The following ADI1 variants were observed in gnomAD, a reference collection of about 807,000 sequenced individuals.
ADI1 encodes acireductone dioxygenase.
In ADI1, 21 loss-of-function variants were observed where a neutral mutation model predicts 18.7. The ratio of observed to expected loss-of-function variants is 1.13; its 90% CI spans 0.80 to 1.62. The LOEUF is 1.62. ADI1 is among the 40% of genes most tolerant of loss of function. The pLI is 0.00. For missense variants in ADI1, 245 were observed against 254.9 expected, an observed-to-expected ratio of 0.96 and a Z score of 0.26; for synonymous variants, 90 against 100.1, an observed-to-expected ratio of 0.90 and a Z score of 0.60.
In ADI1 at chr2:3,519,458, G is replaced by T; in HGVS notation, c.30C>A (p.Ala10=). The stretch of plus-strand genomic sequence containing the variant: ...GGTGGGGTTGCCGCGGGTCGCCCGG[G>T]GCGTCGTCCATATACCAGGCCTGCA... MVQAWYMDD[A]PGDPRQPHRP... Residue 10 remains alanine, a synonymous_variant, in exon 1 of 4, where the codon GCC becomes GCA. Transcript: ENST00000327435. 2.2e-6 allele frequency: 3 copies of T among 1,355,376 alleles called. No individual in the cohort carries two copies. Among genetic ancestry groups the T allele is most frequent in the Non-Finnish European group, 2.8e-6 (3 of 1,058,452 alleles). 84.0% of individuals were successfully genotyped at this position (1,355,376 alleles called of 1,614,324 possible).
chr2:3,499,193 C>T, intron 3 of ADI1, 111 bp from the exon 4 acceptor site: 2 of 1,421,190 alleles, frequency 1.4e-6, no homozygotes, highest in Non-Finnish European at 1.9e-6. Flanking sequence ...ACTTTACTTG[C>T]TATTTTTATT....
intron 3 of ADI1, 116 bp downstream of exon 3, chr2:3,500,698 C>G (rs763790966): frequency 5.1e-6 from 7 of 1,377,196 alleles, no homozygotes; most frequent in Non-Finnish European, 7.1e-6. Flanking sequence ...GTCGAGGAGT[C>G]CCGAGCCCAG....
At chr2:3,500,623 C>T in intron 3 of ADI1, 191 bp downstream of exon 3, 1 of 738,780 alleles carries the variant, frequency 1.4e-6, no homozygotes, top group Non-Finnish European at 2.2e-6. Context: ...ACGGAGGCTG[C>T]CACGGAAGGA....
Position 3,513,960 on chromosome 2 carries a change from T to G in ADI1, c.137A>C (p.Tyr46Ser). The change falls in exon 2 of 4, where the codon TAT becomes TCT. Residue 46 changes from tyrosine (Y) to serine (S), a missense_variant. Coordinates refer to ENST00000327435, the MANE Select transcript of ADI1 (RefSeq NM_018269.4). ...VLYWKLDADK[Y>S]ENDPELEKIR... is the part of the protein sequence containing the mutation. Reference sequence around the variant, plus strand: ...CTTTTCTAATTCTGGATCATTCTCATATTTGTCAGCATCCAGCTAAAAGAG... The same window carrying G: ...CTTTTCTAATTCTGGATCATTCTCAGATTTGTCAGCATCCAGCTAAAAGAG... 1 of 1,608,114 alleles carries G rather than the reference T, an allele frequency of 6.2e-7. No homozygotes were observed. Among genetic ancestry groups the G allele is most frequent in the East Asian group, 2.2e-5 (1 of 44,716 alleles).
At chr2:3,499,871 C>T (rs1666953243) in intron 3 of ADI1, among the ~76,000 whole-genome samples, 1 of 152,052 alleles carries the variant, frequency 6.6e-6, no homozygotes, top group Admixed American at 6.6e-5. Flanking sequence ...TTGAGACCAG[C>T]CTGGCCAACA....
intron 1 of ADI1, chr2:3,517,087 G>A (rs920053631): frequency 4.4e-6 from 1 of 227,494 alleles, no homozygotes; most frequent in Non-Finnish European, 7.3e-6. Context: ...AAACCAAAAT[G>A]CAGCCACTCA....
intron 2 of ADI1, among the ~76,000 whole-genome samples, chr2:3,505,944 A>T (rs970589428): frequency 4.6e-5 from 7 of 152,236 alleles, no homozygotes; most frequent in Non-Finnish European, 8.8e-5. Flanking sequence ...AGCTCTCACA[A>T]GACACCAAAG....
chr2:3,516,359 G>C (rs1266865394), intron 1 of ADI1: 1 of 152,224 alleles, frequency 6.6e-6, no homozygotes, highest in African/African-American at 2.4e-5. Flanking sequence ...GTCCACGCCT[G>C]TGATCCCAGC....
intron 2 of ADI1, among the ~76,000 whole-genome samples, chr2:3,503,610 C>T (rs576395994): frequency 6.6e-6 from 1 of 152,288 alleles, no homozygotes; most frequent in East Asian, 1.9e-4. Context: ...CTGAGCACAG[C>T]GACTCTGCAG....
Position 3,500,939 on chromosome 2 carries a change from G to C in ADI1, c.295C>G (p.Leu99Val), listed in dbSNP as rs1164568907. 11 of 1,613,956 alleles carry C rather than the reference G, an allele frequency of 6.8e-6. No individual in the cohort carries two copies. The highest frequency in any genetic ancestry group is 8.5e-6 in the Non-Finnish European group (10 of 1,179,908). ...LHLDDEIRYILDGSGYFDVRD... is the reference protein window; with the variant it reads ...LHLDDEIRYIVDGSGYFDVRD... ...ACATCGAAGTACCCACTGCCATCCAGGATGTAGCGGATCTCATCGTCCAAG... is the reference window on the plus strand; with the variant it reads ...ACATCGAAGTACCCACTGCCATCCACGATGTAGCGGATCTCATCGTCCAAG... The change falls in exon 3 of 4, where the codon CTG becomes GTG. Residue 99 changes from leucine (L) to valine (V), a missense_variant. Leu to Val is a conservative substitution (Grantham distance 32). Coordinates refer to ENST00000327435, the MANE Select transcript of ADI1 (RefSeq NM_018269.4).
rs1666920282 is a variant in ADI1, at chr2:3,498,732, T to C, written c.*231A>G. ...GAATGCATGAACTAACACAGGGCCATGGACCCACCAGTCTTGATTGAGTTA... is the reference window on the plus strand; with the variant it reads ...GAATGCATGAACTAACACAGGGCCACGGACCCACCAGTCTTGATTGAGTTA... On this transcript the variant is annotated 3_prime_UTR_variant, in exon 4 of 4. Transcript: ENST00000327435. 1.7e-6 allele frequency: 1 copy of C among 576,526 alleles called. No homozygotes were observed. The highest frequency in any genetic ancestry group is 3.2e-5 in the South Asian group (1 of 31,024). 35.7% of individuals were successfully genotyped at this position (576,526 alleles called of 1,614,324 possible).
chr2:3,503,948 G>T (rs181770569), intron 2 of ADI1, among the ~76,000 whole-genome samples: 4 of 152,156 alleles, frequency 2.6e-5, no homozygotes, highest in Non-Finnish European at 5.9e-5. Context: ...ACCAACCCCC[G>T]GGTGAGCGCC....
chr2:3,514,848 G>A lies in ADI1; in HGVS notation c.121-872C>T, dbSNP rs534346788. On this transcript the variant is annotated intron_variant, in intron 1 of 3. Transcript: ENST00000327435. ...AGTGTTGCAGGAAGTCAGGGACCCC[G>A]AATGGAGGGACCGGCTGGAGCCATG... The A allele has an allele frequency of 1.5e-3, 2,338 of 1,548,596 alleles. 2 individuals are homozygous for A. Among genetic ancestry groups the A allele is most frequent in the Non-Finnish European group, 1.4e-3 (1,651 of 1,146,478 alleles).
Position 3,517,997 on chromosome 2 carries a change from A to G in ADI1, c.120+1371T>C, listed in dbSNP as rs564179075. Among the ~76,000 whole-genome samples, 141 of 152,330 alleles carry G rather than the reference A, an allele frequency of 9.3e-4. 1 individual carries two copies. The highest frequency in any genetic ancestry group is 3.1e-3 in the African/African-American group (128 of 41,574). ...TTGTTCTTAAAACCGTCAAATGCAC[A>G]ATGAAACTCCCCAAGTGTATTAATT... On this transcript the variant is annotated intron_variant, in intron 1 of 3. Coordinates refer to ENST00000327435, the MANE Select transcript of ADI1 (RefSeq NM_018269.4).
chr2:3,514,826 G>A, intron 1 of ADI1: 1 of 1,549,058 alleles, frequency 6.5e-7, no homozygotes, highest in Non-Finnish European at 8.7e-7. Flanking sequence ...AAACTCCAGT[G>A]TTGCAGGAAG....
intron 2 of ADI1, among the ~76,000 whole-genome samples, chr2:3,503,224 T>C (rs1667067604): frequency 9.8e-6 from 1 of 102,230 alleles, no homozygotes; most frequent in African/African-American, 8.2e-5. Flanking sequence ...TGCACACACG[T>C]AACACTCTCT....
chr2:3,517,419 C>A (rs900085259), intron 1 of ADI1: 5 of 152,176 alleles, frequency 3.3e-5, no homozygotes, highest in African/African-American at 1.2e-4. Context: ...AGATCTTTAA[C>A]TAAATTTGTT....
At chr2:3,507,923 G>A (rs1667210121) in intron 2 of ADI1, among the ~76,000 whole-genome samples, 1 of 151,972 alleles carries the variant, frequency 6.6e-6, no homozygotes, top group Admixed American at 6.6e-5. Flanking sequence ...AATGTATACT[G>A]TAAACTCTGA....
At chr2:3,515,119 A>G in intron 1 of ADI1, 4 of 253,224 alleles carry the variant, frequency 1.6e-5, no homozygotes, top group Non-Finnish European at 3.0e-5. Context: ...TTTAGGGAAC[A>G]AGGGAAGACA....
Sources: allele counts gnomAD v4.1 joint callset (sites outside exome capture counted in the v4.1 genomes callset), GRCh38; gene constraint gnomAD v4.1.1; transcripts MANE v1.5; gene names NCBI Gene and HGNC (gene_info 2026-07-23, HGNC 2026-07-21).